Variants in ANKRD6 observed in about 807,000 individuals in gnomAD.
The protein encoded by ANKRD6 is ankyrin repeat domain 6.
ANKRD6 carries 56 observed loss-of-function variants against 82.3 expected under a neutral mutation model. The observed-to-expected ratio is 0.68, with a 90% CI of 0.55 to 0.85. The LOEUF is 0.85. ANKRD6 is among the 40% of genes least tolerant of loss of function. ANKRD6 has a pLI of 0.00. For missense variants in ANKRD6, 852 were observed against 907.6 expected (o/e 0.94, Z 0.79); for synonymous variants, 347 against 352.1 (o/e 0.99, Z 0.16).
chr6:89,610,705 G>A (rs1198493368), intron 5 of ANKRD6, among the ~76,000 whole-genome samples: 1 of 151,466 alleles, frequency 6.6e-6, no homozygotes, highest in African/African-American at 2.4e-5. Context: ...CAGACCCCTT[G>A]TTGCTGAGAA....
chr6:89,477,252 GT>G (rs1369235911), intron 1 of ANKRD6, among the ~76,000 whole-genome samples: 5 of 151,514 alleles, frequency 3.3e-5, no homozygotes, highest in Admixed American at 6.6e-5. Flanking sequence ...CCGGTGAAAG[GT>G]TTTTTTTCTT....
intron 1 of ANKRD6, among the ~76,000 whole-genome samples, chr6:89,434,663 ACTC>A (rs1770401990): frequency 6.6e-6 from 1 of 151,516 alleles, no homozygotes; most frequent in Non-Finnish European, 1.5e-5. Context: ...CTGGTCTCGA[ACTC>A]CTCCTGTCTC....
intron 1 of ANKRD6, among the ~76,000 whole-genome samples, chr6:89,558,221 T>C (rs1786891346): frequency 6.6e-6 from 1 of 152,220 alleles, no homozygotes; most frequent in Admixed American, 6.5e-5. Flanking sequence ...CTCCTTGTTA[T>C]TTATGCAAAT....
At chr6:89,507,119 T>C (rs1300589345) in intron 1 of ANKRD6, among the ~76,000 whole-genome samples, 2 of 152,240 alleles carry the variant, frequency 1.3e-5, no homozygotes, top group Non-Finnish European at 2.9e-5. Context: ...ACCTCTGATA[T>C]CTGTAAAATA....
chr6:89,502,195 T>A (rs1182408603), intron 1 of ANKRD6, among the ~76,000 whole-genome samples: 1 of 152,206 alleles, frequency 6.6e-6, no homozygotes, highest in East Asian at 1.9e-4. Flanking sequence ...TATCTGGGGT[T>A]TACACTGCCT....
chr6:89,624,031 C>G lies in ANKRD6; in HGVS notation c.1192C>G (p.Arg398Gly), dbSNP rs375712466. Residue 398 changes from arginine (R) to glycine (G), a missense_variant, in exon 12 of 16, where the codon CGG (arginine) becomes GGG (glycine). Arg to Gly is a moderately radical substitution (Grantham distance 125). Coordinates refer to ENST00000339746, the MANE Select transcript of ANKRD6 (RefSeq NM_001242809.2). ...GGCGTATCAGCTCTACACATTGTAC[C>G]GGGGCAAGGATGGGAAAGTGATGCA... ...FRAYQLYTLY[R>G]GKDGKVMQAP... 2 of 1,607,692 alleles carry G rather than the reference C, an allele frequency of 1.2e-6. No homozygotes were observed. Among genetic ancestry groups the G allele is most frequent in the Non-Finnish European group, 1.7e-6 (2 of 1,176,476 alleles).
At chr6:89,454,941 A>T (rs139369823) in intron 1 of ANKRD6, among the ~76,000 whole-genome samples, 1 of 152,104 alleles carries the variant, frequency 6.6e-6, no homozygotes, top group Non-Finnish European at 1.5e-5. Flanking sequence ...CCTGGGTTCA[A>T]GCGATTCTCT....
chr6:89,534,855 G>T (rs890776767), intron 1 of ANKRD6, among the ~76,000 whole-genome samples: 1 of 152,208 alleles, frequency 6.6e-6, no homozygotes, highest in Admixed American at 6.5e-5. Context: ...TTCAGGGAGA[G>T]AGGCAGCTAT....
chr6:89,561,725 C>T (rs1787457314), intron 1 of ANKRD6, among the ~76,000 whole-genome samples: 1 of 152,134 alleles, frequency 6.6e-6, no homozygotes. Flanking sequence ...CACAGTAACC[C>T]AGTAGTGATT....
chr6:89,598,387 G>A, intron 3 of ANKRD6: 1 of 985,322 alleles, frequency 1.0e-6, no homozygotes, highest in Non-Finnish European at 1.2e-6. Context: ...AAACCACAGA[G>A]GGAAGGTTAG....
chr6:89,533,094 C>G lies in ANKRD6; in HGVS notation c.-143-33740C>G, dbSNP rs146919928. Among the ~76,000 whole-genome samples the G allele has an allele frequency of 6.1e-3, 928 of 152,048 alleles. 19 individuals carry two copies. Among genetic ancestry groups the G allele is most frequent in the African/African-American group, 0.021 (875 of 41,436 alleles). On this transcript the variant is annotated intron_variant, in intron 1 of 15. Coordinates refer to ENST00000339746, the MANE Select transcript of ANKRD6 (RefSeq NM_001242809.2). ...GTTTCACCATGTTGGTCAGGCTGTTCTTGAACTCCTGACCTCGTGATCCAC... is the reference window on the plus strand; with the variant it reads ...GTTTCACCATGTTGGTCAGGCTGTTGTTGAACTCCTGACCTCGTGATCCAC...
chr6:89,434,128 C>G (rs946859836), intron 1 of ANKRD6, among the ~76,000 whole-genome samples: 7 of 152,144 alleles, frequency 4.6e-5, no homozygotes, highest in African/African-American at 1.4e-4. Context: ...ACTTCGGGCC[C>G]GTGAGATGGA....
chr6:89,537,632 GA>G (rs1346237794), intron 1 of ANKRD6, among the ~76,000 whole-genome samples: 1 of 151,490 alleles, frequency 6.6e-6, no homozygotes, highest in African/African-American at 2.4e-5. Context: ...AACACATATA[GA>G]AGTAGCAAGA....
chr6:89,628,489 G>T (rs1484141990), intron 14 of ANKRD6: 1 of 158,974 alleles, frequency 6.3e-6, no homozygotes, highest in Non-Finnish European at 1.4e-5. Context: ...TAATAGAGCG[G>T]ATGGGCGCAG....
intron 2 of ANKRD6, among the ~76,000 whole-genome samples, chr6:89,583,847 G>T (rs1299949539): frequency 6.6e-6 from 1 of 152,146 alleles, no homozygotes; most frequent in African/African-American, 2.4e-5. Context: ...GGCCCTGTTT[G>T]CCCCCTGCTT....
intron 3 of ANKRD6, chr6:89,602,694 C>T (rs957848695): frequency 3.7e-6 from 1 of 273,558 alleles, no homozygotes; most frequent in Non-Finnish European, 7.2e-6. Context: ...CCTGCCCTCA[C>T]ACCCACTCTT....
At chr6:89,554,625 GTTTA>G (rs1184493531) in intron 1 of ANKRD6, among the ~76,000 whole-genome samples, 3 of 152,160 alleles carry the variant, frequency 2.0e-5, no homozygotes, top group Non-Finnish European at 4.4e-5. Context: ...ATATAGATGT[GTTTA>G]TTTATCCAAT....
At chr6:89,587,062 G>A (rs1018211141) in intron 2 of ANKRD6, among the ~76,000 whole-genome samples, 4 of 151,566 alleles carry the variant, frequency 2.6e-5, no homozygotes, top group African/African-American at 9.7e-5. Flanking sequence ...ATGGTGGTGG[G>A]CACCTGTAAT....
chr6:89,629,361 C>T (rs1472513773), intron 15 of ANKRD6, 123 bp downstream of exon 15: 1 of 1,380,162 alleles, frequency 7.2e-7, no homozygotes, highest in Non-Finnish European at 1.0e-6. Flanking sequence ...GTAAAGTGCA[C>T]TCTGTAGGGG....
Sources: allele counts gnomAD v4.1 joint callset (sites outside exome capture counted in the v4.1 genomes callset), GRCh38; gene constraint gnomAD v4.1.1; transcripts MANE v1.5; gene names NCBI Gene and HGNC (gene_info 2026-07-23, HGNC 2026-07-21).